Variants in CREB5 observed in about 807,000 individuals in gnomAD.
The protein encoded by CREB5 is cyclic AMP-responsive element-binding protein 5.
CREB5 carries 19 observed loss-of-function variants against 57.1 expected under a neutral mutation model. That is an observed-to-expected ratio of 0.33 (90% CI 0.23 to 0.49). CREB5 has a LOEUF of 0.49. CREB5 is among the 20% of genes least tolerant of loss of function. The pLI is 0.99. For missense variants in CREB5, 579 were observed against 671.6 expected (o/e 0.86, Z 1.52); for synonymous variants, 238 against 238.3 (o/e 1.00, Z 0.01).
chr7:28,641,952 C>T (rs1248930871), intron 5 of CREB5, among the ~76,000 whole-genome samples: 1 of 152,182 alleles, frequency 6.6e-6, no homozygotes, highest in Non-Finnish European at 1.5e-5. Flanking sequence ...GTATGTGCTC[C>T]TGTGTGTGCA....
intron 7 of CREB5, among the ~76,000 whole-genome samples, chr7:28,741,107 A>G (rs77942997): frequency 0.022 from 3,390 of 152,074 alleles, 56 homozygotes; most frequent in Non-Finnish European, 0.032. Context: ...AGGTTTTACA[A>G]TGCTTCCCCT....
At chr7:28,374,863 T>C (rs1226216422) in intron 1 of CREB5, among the ~76,000 whole-genome samples, 1 of 152,130 alleles carries the variant, frequency 6.6e-6, no homozygotes, top group Admixed American at 6.6e-5. Flanking sequence ...AGGAGGTCAC[T>C]CAGTGTCAGT....
intron 1 of CREB5, among the ~76,000 whole-genome samples, chr7:28,415,960 T>G (rs752139711): frequency 2.6e-5 from 4 of 152,158 alleles, no homozygotes; most frequent in Non-Finnish European, 5.9e-5. Flanking sequence ...AGTCTGGAAG[T>G]ATGTTCTTTG....
intron 4 of CREB5, among the ~76,000 whole-genome samples, chr7:28,537,462 A>T (rs1705516117): frequency 2.1e-5 from 2 of 95,776 alleles, no homozygotes; most frequent in Non-Finnish European, 4.5e-5. Context: ...AGCTCACCTG[A>T]TGCAAATGCC....
intron 5 of CREB5, among the ~76,000 whole-genome samples, chr7:28,691,871 A>T (rs904433576): frequency 1.3e-5 from 2 of 152,116 alleles, no homozygotes; most frequent in Admixed American, 1.3e-4. Flanking sequence ...ACTCTACTTA[A>T]AAAAGAAGCA....
At chr7:28,408,913 G>T (rs377582617), upstream of CREB5, among the ~76,000 whole-genome samples, 33 of 152,222 alleles carry the variant, frequency 2.2e-4, no homozygotes, top group African/African-American at 7.5e-4. Context: ...ATTTCTGTTT[G>T]CAAAGTCTTT....
intron 1 of CREB5, among the ~76,000 whole-genome samples, chr7:28,432,054 G>A (rs1307786949): frequency 1.4e-5 from 2 of 140,728 alleles, no homozygotes; most frequent in Non-Finnish European, 3.0e-5. Flanking sequence ...GTGAGCTCTT[G>A]CTGAAAGAGA....
At chr7:28,417,353 CT>C (rs11433698) in intron 1 of CREB5, among the ~76,000 whole-genome samples, 1,457 of 144,892 alleles carry the variant, frequency 0.01, 17 homozygotes, top group African/African-American at 0.031. Context: ...CTTTCTCTCT[CT>C]TTTTTTTTTT....
chr7:28,809,051 T>C (rs1583795901), intron 8 of CREB5, 136 bp from the exon 9 acceptor site: 1 of 700,934 alleles, frequency 1.4e-6, no homozygotes, highest in East Asian at 2.7e-5. Flanking sequence ...GTTTCATTCA[T>C]AGGAGGCAAG....
intron 9 of CREB5, among the ~76,000 whole-genome samples, chr7:28,812,768 T>G: frequency 6.6e-6 from 1 of 152,162 alleles, no homozygotes; most frequent in South Asian, 2.1e-4. Context: ...CCTTTCCCTC[T>G]CACTGGACCT....
chr7:28,555,366 A>G (rs1465637039), intron 4 of CREB5, among the ~76,000 whole-genome samples: 1 of 152,234 alleles, frequency 6.6e-6, no homozygotes, highest in Non-Finnish European at 1.5e-5. Flanking sequence ...TGAAGATAAT[A>G]TAAGAAATTC....
intron 1 of CREB5, among the ~76,000 whole-genome samples, chr7:28,447,041 G>C (rs1789515696): frequency 1.3e-5 from 2 of 152,080 alleles, no homozygotes. Context: ...CTGTGTCCCT[G>C]GGCAAGTTAC....
At chr7:28,560,887 CGT>C (rs1175327761) in intron 4 of CREB5, among the ~76,000 whole-genome samples, 193 of 13,088 alleles carry the variant, frequency 0.015, 29 homozygotes, top group African/African-American at 0.059. Flanking sequence ...TGCGTGCGTG[CGT>C]GTGTGTGCGT....
intron 5 of CREB5, among the ~76,000 whole-genome samples, chr7:28,617,023 G>C (rs1210107545): frequency 6.6e-6 from 1 of 152,198 alleles, no homozygotes; most frequent in East Asian, 1.9e-4. Context: ...GCCTCAGCCT[G>C]AAATTCACAG....
At chr7:28,414,475 G>C (rs577312099) in intron 1 of CREB5, among the ~76,000 whole-genome samples, 1 of 152,036 alleles carries the variant, frequency 6.6e-6, no homozygotes, top group Non-Finnish European at 1.5e-5. Context: ...ATTGAGATAA[G>C]GTAATAAACT....
chr7:28,737,581 ATATATATT>A (rs1207716021), intron 7 of CREB5, among the ~76,000 whole-genome samples: 2 of 27,166 alleles, frequency 7.4e-5, no homozygotes, highest in African/African-American at 2.4e-4. Context: ...ATATATATAT[ATATATATT>A]TTTAACTCCT....
chr7:28,350,841 T>A (rs2127990509), intron 1 of CREB5, among the ~76,000 whole-genome samples: 1 of 152,296 alleles, frequency 6.6e-6, no homozygotes, highest in East Asian at 1.9e-4. Flanking sequence ...ATAACTGCGC[T>A]GCTAGATTCA....
intron 1 of CREB5, among the ~76,000 whole-genome samples, chr7:28,321,841 T>C (rs188517251): frequency 4.6e-5 from 7 of 152,330 alleles, no homozygotes; most frequent in Admixed American, 4.6e-4. Flanking sequence ...CTCCAAGGGG[T>C]GGCCCCCTTC....
chr7:28,502,610 G>A (rs1792315388), intron 3 of CREB5, among the ~76,000 whole-genome samples: 1 of 152,172 alleles, frequency 6.6e-6, no homozygotes, highest in African/African-American at 2.4e-5. Context: ...CGCTAATTCA[G>A]ACTAACCTTT....
Sources: allele counts gnomAD v4.1 joint callset (sites outside exome capture counted in the v4.1 genomes callset), GRCh38; gene constraint gnomAD v4.1.1; transcripts MANE v1.5; gene names NCBI Gene and HGNC (gene_info 2026-07-23, HGNC 2026-07-21).